The following PTK2B variants were observed in gnomAD, a reference collection of about 807,000 sequenced individuals.
PTK2B encodes the protein protein-tyrosine kinase 2-beta.
Under a neutral mutation model 142.9 loss-of-function variants are expected in PTK2B, and 71 were observed. The ratio of observed to expected loss-of-function variants is 0.50; its 90% CI spans 0.41 to 0.61. The LOEUF is 0.61. Ranked by LOEUF, PTK2B falls within the 20% of genes least tolerant of loss-of-function variation. The probability of loss-of-function intolerance (pLI) is 0.00; values close to 1 mark genes in which losing one functional copy is unlikely to be tolerated. For missense variants in PTK2B, 1,105 were observed against 1,320.4 expected, an observed-to-expected ratio of 0.84 and a Z score of 2.53; for synonymous variants, 519 against 503.4, an observed-to-expected ratio of 1.03 and a Z score of -0.42.
intron 1 of PTK2B, among the ~76,000 whole-genome samples, chr8:27,385,730 TAA>T (rs145850197): frequency 0.017 from 2,542 of 152,068 alleles, 28 homozygotes; most frequent in Middle Eastern, 0.051. Context: ...TCCTCTCTAC[TAA>T]AAATACAAAA....
chr8:27,322,388 T>G (rs1216430510), upstream of PTK2B: 1 of 152,206 alleles, frequency 6.6e-6, no homozygotes, highest in Admixed American at 6.5e-5. Flanking sequence ...TTCCTTTTCC[T>G]TTCTGCAAAC....
intron 1 of PTK2B, among the ~76,000 whole-genome samples, chr8:27,365,884 G>T (rs576417843): frequency 1.3e-5 from 2 of 152,264 alleles, no homozygotes; most frequent in Admixed American, 1.3e-4. Context: ...CTGCTCCTCA[G>T]TTATGAAATG....
chr8:27,434,439 G>C (rs1810642968), intron 12 of PTK2B, 74 bp from the exon 13 acceptor site: 3 of 1,467,790 alleles, frequency 2.0e-6, no homozygotes, highest in Non-Finnish European at 2.8e-6. Flanking sequence ...GGAGGAGAGG[G>C]CGGGCCGAGG....
intron 5 of PTK2B, among the ~76,000 whole-genome samples, chr8:27,429,200 C>T (rs980029177): frequency 5.3e-5 from 8 of 152,208 alleles, no homozygotes; most frequent in Non-Finnish European, 2.9e-5. Context: ...CCAACACATT[C>T]GGCCTAACCT....
intron 4 of PTK2B, 149 bp downstream of exon 4, chr8:27,420,893 C>CTA: frequency 1.4e-6 from 1 of 708,470 alleles, no homozygotes; most frequent in African/African-American, 1.8e-5. Context: ...GGTCCTTGGT[C>CTA]TATGGTCCGC....
chr8:27,440,615 T>C (rs948811046), intron 21 of PTK2B, among the ~76,000 whole-genome samples, 174 bp downstream of exon 21: 6 of 152,148 alleles, frequency 3.9e-5, no homozygotes, highest in Non-Finnish European at 8.8e-5. Flanking sequence ...AAGGCAGCCG[T>C]GGGGAAGCCT....
At chr8:27,364,832 C>G (rs952233760) in intron 1 of PTK2B, among the ~76,000 whole-genome samples, 1 of 152,178 alleles carries the variant, frequency 6.6e-6, no homozygotes, top group African/African-American at 2.4e-5. Flanking sequence ...TCATCTACTC[C>G]TTTTTCCTCA....
At chr8:27,438,942 C>A in intron 18 of PTK2B, 89 bp from the exon 19 acceptor site, 2 of 1,248,386 alleles carry the variant, frequency 1.6e-6, no homozygotes, top group South Asian at 1.2e-5. Context: ...GATTCTTGGT[C>A]TCTTTTTCCA....
intron 23 of PTK2B, 33 bp from the exon 24 acceptor site, chr8:27,445,761 C>T (rs377174808): frequency 7.0e-5 from 113 of 1,611,546 alleles, no homozygotes; most frequent in South Asian, 3.7e-4. Context: ...CGCTTTGTCC[C>T]GTGCCTTGTG....
chr8:27,366,579 T>C (rs539610560), intron 1 of PTK2B, among the ~76,000 whole-genome samples: 315 of 152,328 alleles, frequency 2.1e-3, no homozygotes, highest in African/African-American at 7.0e-3. Context: ...TCTAGCCTCT[T>C]CCTCTTACCA....
chr8:27,386,663 T>C (rs1807375890), intron 1 of PTK2B, among the ~76,000 whole-genome samples: 1 of 152,164 alleles, frequency 6.6e-6, no homozygotes, highest in African/African-American at 2.4e-5. Context: ...CATCTACAGA[T>C]TGGGGCTCGG....
chr8:27,316,690 T>C (rs1803102836), intron 3 of PTK2B, among the ~76,000 whole-genome samples: 1 of 152,200 alleles, frequency 6.6e-6, no homozygotes, highest in Admixed American at 6.5e-5. Context: ...CCGATGTACC[T>C]TTACTGAGGC....
Position 27,430,376 on chromosome 8 carries a change from G to A in PTK2B, c.627G>A (p.Gly209=), listed in dbSNP as rs1444782260. Residue 209 remains glycine, a synonymous_variant, in exon 7 of 31, where the codon GGG becomes GGA. Transcript: ENST00000346049. ...TTCCTTCTTGCAGAAAGGAAGTGGG[G>A]CTGGACTTGTTTTTCCCAAAGCAGA... ...SNFELLEKEV[G]LDLFFPKQMQ... 6.2e-7 allele frequency: 1 copy of A among 1,614,060 alleles called. No homozygotes were observed. The highest frequency in any genetic ancestry group is 1.3e-5 in the African/African-American group (1 of 74,934).
intron 1 of PTK2B, among the ~76,000 whole-genome samples, chr8:27,328,616 A>T (rs1803555952): frequency 6.6e-6 from 1 of 152,168 alleles, no homozygotes; most frequent in Non-Finnish European, 1.5e-5. Flanking sequence ...CGTGAGATGG[A>T]TAGAGGTGTT....
intron 3 of PTK2B, among the ~76,000 whole-genome samples, chr8:27,314,217 T>C (rs184291459): frequency 3.3e-4 from 51 of 152,338 alleles, no homozygotes; most frequent in Middle Eastern, 3.4e-3. Flanking sequence ...AGCATGAAAA[T>C]GAGCCATTTC....
intron 21 of PTK2B, 35 bp downstream of exon 21, chr8:27,440,476 C>A: frequency 6.3e-7 from 1 of 1,597,654 alleles, no homozygotes; most frequent in Non-Finnish European, 8.6e-7. Flanking sequence ...GCTGGGGGCC[C>A]ACCCGGCTGC....
rs374025093 is a variant in PTK2B at position 27,434,571 on chromosome 8, G to A, written c.1192+12G>A. Reference sequence around the variant, plus strand: ...GAGCTGCAGCATAGGTGAGCTGCCCGCTGCATCCTCCACCTGCTCCAGTTG... The same window carrying A: ...GAGCTGCAGCATAGGTGAGCTGCCCACTGCATCCTCCACCTGCTCCAGTTG... On this transcript the variant is annotated intron_variant, in intron 13 of 30. Transcript: ENST00000346049. 9 of 1,597,274 alleles carry A rather than the reference G, an allele frequency of 5.6e-6. No homozygotes were observed. The highest frequency in any genetic ancestry group is 4.0e-5 in the African/African-American group (3 of 74,328).
At chr8:27,360,045 C>T (rs941650908) in intron 1 of PTK2B, among the ~76,000 whole-genome samples, 4 of 152,176 alleles carry the variant, frequency 2.6e-5, no homozygotes, top group South Asian at 2.1e-4. Flanking sequence ...CTTTACCACT[C>T]GGATGTGATT....
intron 24 of PTK2B, among the ~76,000 whole-genome samples, chr8:27,449,564 C>A (rs1378714489): frequency 6.6e-6 from 1 of 152,248 alleles, no homozygotes; most frequent in Non-Finnish European, 1.5e-5. Context: ...AGGCAAGGAA[C>A]TGAGGGACCT....
Sources: allele counts gnomAD v4.1 joint callset (sites outside exome capture counted in the v4.1 genomes callset), GRCh38; gene constraint gnomAD v4.1.1; transcripts MANE v1.5; gene names NCBI Gene and HGNC (gene_info 2026-07-23, HGNC 2026-07-21).